Variants in PLCB1 observed in about 807,000 individuals in gnomAD.
PLCB1 encodes phospholipase C beta 1.
In PLCB1, 46 loss-of-function variants were observed where a neutral mutation model predicts 161.8. The observed-to-expected ratio is 0.28, with a 90% CI of 0.22 to 0.36. The LOEUF (loss-of-function observed/expected upper bound fraction) is 0.36. Among genes scored for constraint, PLCB1 ranks in the 10% least tolerant of loss-of-function variants. The probability of loss-of-function intolerance (pLI) is 1.00; values close to 1 mark genes in which losing one functional copy is unlikely to be tolerated. For missense variants in PLCB1, 1,016 were observed against 1,472.5 expected, an observed-to-expected ratio of 0.69 and a Z score of 5.07; for synonymous variants, 517 against 503.7, an observed-to-expected ratio of 1.03 and a Z score of -0.35.
rs143943609 is a variant in PLCB1 at position 8,345,763 on chromosome 20, T to C, written c.178-25619T>C. Among the ~76,000 whole-genome samples, 130 of 152,346 alleles carry C rather than the reference T, an allele frequency of 8.5e-4. 1 individual carries two copies. The highest frequency in any genetic ancestry group is 3.1e-3 in the Admixed American group (48 of 15,302). The stretch of plus-strand genomic sequence containing the variant: ...TTGATCTCTAGGGATCCTGAAGATG[T>C]GCTGGGTGAAAGCCAATTCTCTTCC... On this transcript the variant is annotated intron_variant, in intron 2 of 31. Transcript: ENST00000338037.
intron 2 of PLCB1, among the ~76,000 whole-genome samples, chr20:8,174,032 C>T (rs1328603586): frequency 1.3e-5 from 2 of 152,108 alleles, no homozygotes; most frequent in East Asian, 1.9e-4. Context: ...AGATTTCTAT[C>T]ACTGGAGTTG....
intron 2 of PLCB1, among the ~76,000 whole-genome samples, chr20:8,370,483 C>G (rs1051913542): frequency 6.6e-6 from 1 of 152,172 alleles, no homozygotes; most frequent in Non-Finnish European, 1.5e-5. Context: ...TCCCTACCTC[C>G]TTTCCCCGCA....
intron 3 of PLCB1, among the ~76,000 whole-genome samples, chr20:8,392,021 C>T (rs1235314280): frequency 6.6e-6 from 1 of 151,770 alleles, no homozygotes; most frequent in African/African-American, 2.4e-5. Context: ...AGCTTTAGGA[C>T]TCATAATAAA....
intron 31 of PLCB1, among the ~76,000 whole-genome samples, chr20:8,795,090 G>A (rs1350654268): frequency 2.0e-5 from 3 of 152,194 alleles, no homozygotes; most frequent in Non-Finnish European, 4.4e-5. Context: ...CTGCATGTGA[G>A]CTGGGACCTT....
chr20:8,634,161 C>T (rs931634162), intron 4 of PLCB1, among the ~76,000 whole-genome samples: 3 of 152,126 alleles, frequency 2.0e-5, no homozygotes, highest in African/African-American at 7.2e-5. Flanking sequence ...TTTTCTCAAA[C>T]TTGTTGAGCC....
chr20:8,158,954 G>A (rs2051592566), intron 2 of PLCB1, among the ~76,000 whole-genome samples: 1 of 149,714 alleles, frequency 6.7e-6, no homozygotes, highest in Non-Finnish European at 1.5e-5. Flanking sequence ...GGCATTGAGT[G>A]TCTGTGGCTT....
chr20:8,812,949 G>A (rs779158203), intron 31 of PLCB1, among the ~76,000 whole-genome samples: 6 of 152,174 alleles, frequency 3.9e-5, no homozygotes, highest in Non-Finnish European at 7.3e-5. Flanking sequence ...AAGTGTTTCC[G>A]CTGTGACTTA....
At chr20:8,414,291 C>T (rs1003114531) in intron 3 of PLCB1, among the ~76,000 whole-genome samples, 7 of 152,068 alleles carry the variant, frequency 4.6e-5, no homozygotes, top group African/African-American at 1.4e-4. Flanking sequence ...GGAAAGAGGA[C>T]ATATAAGCCA....
At chr20:8,624,107 T>A (rs1210974390) in intron 3 of PLCB1, among the ~76,000 whole-genome samples, 2 of 152,198 alleles carry the variant, frequency 1.3e-5, no homozygotes, top group African/African-American at 4.8e-5. Flanking sequence ...GGTAGCTTTA[T>A]CACTATGAAG....
intron 31 of PLCB1, among the ~76,000 whole-genome samples, chr20:8,803,777 T>TTTTG (rs148420606): frequency 0.067 from 10,155 of 151,078 alleles, 875 homozygotes; most frequent in African/African-American, 0.2. Context: ...GTTTTGTGTT[T>TTTTG]TTTGTTTGTT....
At chr20:8,587,272 C>G (rs1278348000) in intron 3 of PLCB1, among the ~76,000 whole-genome samples, 2 of 152,064 alleles carry the variant, frequency 1.3e-5, no homozygotes, top group South Asian at 2.1e-4. Context: ...AGGACTCATA[C>G]TAAATGAGTT....
At chr20:8,268,626 C>T (rs1426436546) in intron 2 of PLCB1, among the ~76,000 whole-genome samples, 1 of 152,184 alleles carries the variant, frequency 6.6e-6, no homozygotes, top group Non-Finnish European at 1.5e-5. Flanking sequence ...TCTCCAGCAC[C>T]TGTTGTTTCC....
chr20:8,680,152 A>G (rs975964501), intron 9 of PLCB1, among the ~76,000 whole-genome samples: 21 of 152,164 alleles, frequency 1.4e-4, no homozygotes, highest in South Asian at 1.0e-3. Flanking sequence ...TCATTCTTCT[A>G]TGTGCCTCAG....
intron 2 of PLCB1, among the ~76,000 whole-genome samples, chr20:8,200,324 A>C (rs542797621): frequency 2.6e-5 from 4 of 152,158 alleles, no homozygotes; most frequent in African/African-American, 9.6e-5. Flanking sequence ...TTGAATTTTC[A>C]TTTTTAACAT....
At chr20:8,460,705 T>C (rs539343480) in intron 3 of PLCB1, among the ~76,000 whole-genome samples, 7 of 152,210 alleles carry the variant, frequency 4.6e-5, no homozygotes, top group Non-Finnish European at 8.8e-5. Flanking sequence ...AGCCCACATA[T>C]TCACATATTT....
intron 3 of PLCB1, among the ~76,000 whole-genome samples, chr20:8,396,982 T>C (rs1276389020): frequency 4.6e-5 from 7 of 152,080 alleles, no homozygotes; most frequent in Admixed American, 4.6e-4. Context: ...TCTTCTTCAT[T>C]TGGCGTTTTT....
At chr20:8,298,861 G>A (rs937666180) in intron 2 of PLCB1, among the ~76,000 whole-genome samples, 1 of 152,040 alleles carries the variant, frequency 6.6e-6, no homozygotes, top group Non-Finnish European at 1.5e-5. Flanking sequence ...CAGATGTGTG[G>A]GGCATGTGTT....
chr20:8,592,066 T>C (rs1257131211), intron 3 of PLCB1, among the ~76,000 whole-genome samples: 3 of 152,242 alleles, frequency 2.0e-5, no homozygotes, highest in Non-Finnish European at 4.4e-5. Flanking sequence ...TTTTATACAC[T>C]ATTTTAAATA....
chr20:8,659,542 T>C (rs892637363), intron 9 of PLCB1, among the ~76,000 whole-genome samples: 3 of 152,168 alleles, frequency 2.0e-5, no homozygotes, highest in Non-Finnish European at 2.9e-5. Context: ...AAATCAATTA[T>C]ATATTAATAT....
Sources: allele counts gnomAD v4.1 joint callset (sites outside exome capture counted in the v4.1 genomes callset), GRCh38; gene constraint gnomAD v4.1.1; transcripts MANE v1.5; gene names NCBI Gene and HGNC (gene_info 2026-07-23, HGNC 2026-07-21).